The following EZH2 variants were observed in gnomAD, a reference collection of about 807,000 sequenced individuals.
EZH2 encodes enhancer of zeste 2 polycomb repressive complex 2 subunit.
In EZH2, 18 loss-of-function variants were observed where a neutral mutation model predicts 98.4. That is an observed-to-expected ratio of 0.18 (90% CI 0.13 to 0.27). EZH2 has a LOEUF of 0.27. Ranked by LOEUF, EZH2 falls within the 10% of genes least tolerant of loss-of-function variation. The pLI, the probability that EZH2 is intolerant of heterozygous loss-of-function variation, is 1.00. For synonymous variants in EZH2, 338 were observed against 312.3 expected, an observed-to-expected ratio of 1.08 and a Z score of -0.87; for missense variants, 470 against 935.1, an observed-to-expected ratio of 0.50 and a Z score of 6.49.
intron 1 of EZH2, among the ~76,000 whole-genome samples, chr7:148,864,088 A>T (rs968991168): frequency 2.6e-5 from 4 of 152,240 alleles, no homozygotes; most frequent in African/African-American, 4.8e-5. Context: ...CTAATTTAGC[A>T]ATCTTAGCTG....
Position 148,816,742 on chromosome 7 carries a change from C to G in EZH2, c.1447G>C (p.Ala483Pro). 6.2e-7 allele frequency: 1 copy of G among 1,614,120 alleles called. No homozygotes were observed. Among genetic ancestry groups the G allele is most frequent in the Non-Finnish European group, 8.5e-7 (1 of 1,179,966 alleles). Residue 483 changes from alanine to proline, a missense_variant, in exon 12 of 20, where the codon GCT (alanine) becomes CCT (proline). Ala to Pro is a conservative substitution (Grantham distance 27). Around this residue, in one of 6 missense-constraint regions of EZH2, gnomAD observed 192 missense variants for 306.8 expected, o/e 0.63. Coordinates refer to ENST00000320356, the MANE Select transcript of EZH2 (RefSeq NM_004456.5). ...EFRVKESSII[A>P]PAPAEDVDTP... ...TCCACATCCTCAGCGGGAGCTGGAG[C>G]TATGATGCTAGATTCTTTGACTCTA... is the stretch of plus-strand genomic sequence containing the variant.
intron 3 of EZH2, among the ~76,000 whole-genome samples, chr7:148,843,235 C>A (rs1016029417): frequency 6.6e-6 from 1 of 150,918 alleles, no homozygotes; most frequent in African/African-American, 2.4e-5. Flanking sequence ...AAAATTAGCC[C>A]GATGTGGTGG....
chr7:148,861,773 C>T (rs915762657), intron 1 of EZH2, among the ~76,000 whole-genome samples: 1 of 147,680 alleles, frequency 6.8e-6, no homozygotes. Context: ...GAGTTTCAGA[C>T]CAGCCTGAGC....
At chr7:148,821,694 T>TCA (rs1368420807) in intron 8 of EZH2, among the ~76,000 whole-genome samples, 3 of 152,126 alleles carry the variant, frequency 2.0e-5, no homozygotes, top group Non-Finnish European at 2.9e-5. Context: ...GCAATGGTGG[T>TCA]GCATGCTTGT....
In EZH2 at chr7:148,814,939, T is replaced by C. The variant is rs1320886370; in HGVS notation, c.1647A>G (p.Glu549=). 1 of 1,613,290 alleles carries C rather than the reference T, an allele frequency of 6.2e-7. No homozygotes were observed. Residue 549 remains glutamate (E), a synonymous_variant, in exon 14 of 20, where the codon GAA becomes GAG. Transcript: ENST00000320356. The part of the protein sequence containing the change: ...CPCVIAQNFC[E]KFCQCSSECQ... ...ACTCTGAACTACATTGACAAAACTT[T>C]TCACAAAAATTTTGTGCTATCACAC... is the stretch of plus-strand genomic sequence containing the variant.
intron 15 of EZH2, among the ~76,000 whole-genome samples, chr7:148,812,224 G>A (rs1803282557): frequency 1.3e-5 from 2 of 152,094 alleles, no homozygotes; most frequent in Admixed American, 1.3e-4. Flanking sequence ...GCCCATAGCA[G>A]CTTGGCTTTG....
intron 7 of EZH2, among the ~76,000 whole-genome samples, chr7:148,826,904 T>A (rs1225134735): frequency 6.6e-6 from 1 of 152,240 alleles, no homozygotes; most frequent in Admixed American, 6.5e-5. Context: ...ATAATTTTCC[T>A]GTAAATGTAC....
chr7:148,861,442 G>A (rs1373298768), intron 1 of EZH2, among the ~76,000 whole-genome samples: 1 of 151,932 alleles, frequency 6.6e-6, no homozygotes, highest in Non-Finnish European at 1.5e-5. Flanking sequence ...GGCCAGGCTG[G>A]TCTCGAACTC....
intron 1 of EZH2, among the ~76,000 whole-genome samples, chr7:148,856,353 T>G (rs1816833825): frequency 6.6e-6 from 1 of 152,226 alleles, no homozygotes. Context: ...GAGGTGGTGA[T>G]GAATTAGTCA....
At chr7:148,871,974 A>C (rs1032283362) in intron 1 of EZH2, among the ~76,000 whole-genome samples, 1 of 152,214 alleles carries the variant, frequency 6.6e-6, no homozygotes, top group African/African-American at 2.4e-5. Flanking sequence ...CCATATATCC[A>C]AAAGAATTCA....
At chr7:148,810,756 C>T (rs80229724) in intron 16 of EZH2, among the ~76,000 whole-genome samples, 3,648 of 152,126 alleles carry the variant, frequency 0.024, 137 homozygotes, top group African/African-American at 0.084. Context: ...ATCACCTGGG[C>T]GCGGTGGCGC....
intron 1 of EZH2, among the ~76,000 whole-genome samples, chr7:148,873,229 T>C (rs1167159922): frequency 6.6e-6 from 1 of 151,948 alleles, no homozygotes; most frequent in Non-Finnish European, 1.5e-5. Flanking sequence ...TGGTGGCTCA[T>C]GCCTGTAATC....
At chr7:148,869,312 A>T (rs1563067578) in intron 1 of EZH2, among the ~76,000 whole-genome samples, 1 of 151,534 alleles carries the variant, frequency 6.6e-6, no homozygotes, top group Non-Finnish European at 1.5e-5. Context: ...ATTTGCACTA[A>T]AAAGGACCCT....
intron 1 of EZH2, among the ~76,000 whole-genome samples, chr7:148,868,982 T>A (rs1818936826): frequency 6.6e-6 from 1 of 152,170 alleles, no homozygotes; most frequent in African/African-American, 2.4e-5. Context: ...TAAGAAAAAT[T>A]GGGTAAATTT....
intron 1 of EZH2, among the ~76,000 whole-genome samples, chr7:148,859,483 A>C (rs1817348066): frequency 6.7e-6 from 1 of 149,684 alleles, no homozygotes; most frequent in Middle Eastern, 3.2e-3. Context: ...AGCCTGGGCA[A>C]CAGAGCAAGA....
At chr7:148,834,352 T>TATATATATACACACACAC (rs1321608007) in intron 3 of EZH2, among the ~76,000 whole-genome samples, 12 of 143,316 alleles carry the variant, frequency 8.4e-5, no homozygotes, top group African/African-American at 3.1e-4. Context: ...TATATATATA[T>TATATATATACACACACAC]ACACACACAC....
In EZH2 at chr7:148,811,076, G is replaced by C. The variant is rs112489243; in HGVS notation, c.1947+549C>G. 4.8e-3 allele frequency among the ~76,000 whole-genome samples: 732 copies of C among 152,202 alleles called. 11 individuals carry two copies. Among genetic ancestry groups the C allele is most frequent in the African/African-American group, 0.017 (699 of 41,484 alleles). ...CAGGCCACTCTATGGTAAAGCTCTT[G>C]TTCTCCCTGTTGTCCCTAGACGAGA... On this transcript the variant is annotated intron_variant, in intron 16 of 19. Transcript: ENST00000320356.
chr7:148,820,933 G>T (rs979961428), intron 8 of EZH2: 1 of 152,028 alleles, frequency 6.6e-6, no homozygotes, highest in Admixed American at 6.6e-5. Flanking sequence ...ATCCAGAAGA[G>T]ACAGAACATT....
At chr7:148,852,836 G>A (rs148381874) in intron 1 of EZH2, among the ~76,000 whole-genome samples, 4 of 152,100 alleles carry the variant, frequency 2.6e-5, no homozygotes, top group Non-Finnish European at 2.9e-5. Flanking sequence ...TCTCAGATAC[G>A]TATTTATTAC....
Sources: gnomAD v4.1 joint callset for allele counts (sites outside exome capture counted in the v4.1 genomes callset) on GRCh38, gnomAD v4.1.1 for gene constraint, gnomAD v4.1.1 regional missense constraint, MANE v1.5 for transcripts, NCBI Gene and HGNC (gene_info 2026-07-23, HGNC 2026-07-21) for gene names.